Variants in ECT2 observed in about 807,000 individuals in gnomAD.
The protein encoded by ECT2 is protein ECT2.
Under a neutral mutation model 116.9 loss-of-function variants are expected in ECT2, and 61 were observed. The observed-to-expected ratio is 0.52, with a 90% CI of 0.42 to 0.65. The LOEUF is 0.65. Among genes scored for constraint, ECT2 ranks in the 30% least tolerant of loss-of-function variants. The pLI is 0.00. For missense variants in ECT2, 937 were observed against 1,078.7 expected, an observed-to-expected ratio of 0.87 and a Z score of 1.84; for synonymous variants, 358 against 346.4, an observed-to-expected ratio of 1.03 and a Z score of -0.37.
At chr3:172,821,551 T>C (rs1730684143), downstream of ECT2, 1 of 151,926 alleles carries the variant, frequency 6.6e-6, no homozygotes, top group African/African-American at 2.4e-5. Flanking sequence ...CATATGCTCT[T>C]TTGTGTACTT....
intron 18 of ECT2, among the ~76,000 whole-genome samples, chr3:172,798,907 G>A (rs1726219644): frequency 6.6e-6 from 1 of 152,230 alleles, no homozygotes; most frequent in Admixed American, 6.5e-5. Flanking sequence ...TGACTTCAAA[G>A]GTTCCTAGCC....
intron 18 of ECT2, among the ~76,000 whole-genome samples, chr3:172,795,276 A>G (rs564496613): frequency 5.3e-5 from 8 of 151,112 alleles, no homozygotes; most frequent in Non-Finnish European, 7.4e-5. Context: ...CAGTGAGCCA[A>G]GATTGCACCA....
intron 18 of ECT2, among the ~76,000 whole-genome samples, chr3:172,788,712 G>C (rs1305456538): frequency 6.6e-6 from 1 of 152,172 alleles, no homozygotes; most frequent in African/African-American, 2.4e-5. Context: ...GAATTGTGCA[G>C]TAGCATTATG....
rs1722826911 is a variant in ECT2 at position 172,782,228 on chromosome 3, A to G, written c.1614A>G (p.Lys538=). 2.6e-6 allele frequency: 4 copies of G among 1,533,166 alleles called. No homozygotes were observed. Among genetic ancestry groups the G allele is most frequent in the Non-Finnish European group, 3.6e-6 (4 of 1,121,114 alleles). The allele number at this position is 1,533,166 out of a possible 1,614,324, so 95.0% of individuals were successfully genotyped here. The change falls in exon 15 of 25, where the codon AAA becomes AAG. Residue 538 remains lysine, a synonymous_variant. Coordinates refer to ENST00000392692, the MANE Select transcript of ECT2 (RefSeq NM_001258315.2). ...AAAGCATTGGTGACATTTTTCTGAA[A>G]TATGTAAGTATTGTATTTCTTTTTT... ...ESKSIGDIFL[K]YSKDLVKTYP... is the part of the protein sequence containing the mutation.
At chr3:172,759,608 AT>A (rs1006088834) in intron 6 of ECT2, among the ~76,000 whole-genome samples, 1 of 150,736 alleles carries the variant, frequency 6.6e-6, no homozygotes, top group Non-Finnish European at 1.5e-5. Flanking sequence ...CGCCTGGCTA[AT>A]TTTTTTTTGT....
At chr3:172,819,836 C>G (rs1480812876) in intron 24 of ECT2, among the ~76,000 whole-genome samples, 1 of 152,110 alleles carries the variant, frequency 6.6e-6, no homozygotes, top group Non-Finnish European at 1.5e-5. Flanking sequence ...ACCTGAAACA[C>G]TGAATCATTA....
At chr3:172,762,314 A>C (rs916391075) in intron 8 of ECT2, 102 bp from the exon 9 acceptor site, 3 of 1,240,214 alleles carry the variant, frequency 2.4e-6, no homozygotes, top group Non-Finnish European at 2.2e-6. Context: ...CAATAGATAG[A>C]TTATGCCAAG....
intron 12 of ECT2, among the ~76,000 whole-genome samples, chr3:172,767,844 G>C (rs1719813806): frequency 6.6e-6 from 1 of 151,928 alleles, no homozygotes; most frequent in Non-Finnish European, 1.5e-5. Flanking sequence ...AGATTCTCCT[G>C]CCTCAGCCTC....
chr3:172,814,795 GT>G (rs1729404096), intron 22 of ECT2, among the ~76,000 whole-genome samples: 1 of 152,068 alleles, frequency 6.6e-6, no homozygotes, highest in Non-Finnish European at 1.5e-5. Context: ...TCATTCCTTT[GT>G]GGTGTGAACC....
chr3:172,799,407 A>G (rs1469992156), intron 18 of ECT2, among the ~76,000 whole-genome samples: 1 of 152,226 alleles, frequency 6.6e-6, no homozygotes, highest in Admixed American at 6.5e-5. Context: ...CTTTCCCAAG[A>G]CAATGAGGCA....
At chr3:172,826,733 C>T in the ECT2 span, among the ~76,000 whole-genome samples, 1 of 152,148 alleles carries the variant, frequency 6.6e-6, no homozygotes, top group Admixed American at 6.5e-5. Context: ...TCAGCAACCA[C>T]CAGCCTGATC....
At chr3:172,821,644 T>C (rs1323799218), downstream of ECT2, among the ~76,000 whole-genome samples, 1 of 151,942 alleles carries the variant, frequency 6.6e-6, no homozygotes, top group Non-Finnish European at 1.5e-5. Flanking sequence ...TAGGAATTTT[T>C]AATCTGGAAT....
At chr3:172,759,877 T>C (rs1717877164) in intron 6 of ECT2, among the ~76,000 whole-genome samples, 1 of 152,196 alleles carries the variant, frequency 6.6e-6, no homozygotes, top group Non-Finnish European at 1.5e-5. Flanking sequence ...CACAGTATGG[T>C]ATTAAAAAGC....
At chr3:172,781,038 A>T (rs1236198174) in intron 14 of ECT2, among the ~76,000 whole-genome samples, 1 of 152,120 alleles carries the variant, frequency 6.6e-6, no homozygotes. Flanking sequence ...CTAACTCAAG[A>T]TTTTGAAGAT....
intron 22 of ECT2, among the ~76,000 whole-genome samples, chr3:172,812,623 G>T (rs1435239645): frequency 1.3e-5 from 2 of 152,004 alleles, no homozygotes; most frequent in South Asian, 2.1e-4. Context: ...TGACATAATT[G>T]TACATGTTTT....
At chr3:172,799,290 T>C (rs1274130394) in intron 18 of ECT2, among the ~76,000 whole-genome samples, 1 of 152,158 alleles carries the variant, frequency 6.6e-6, no homozygotes, top group Non-Finnish European at 1.5e-5. Flanking sequence ...TTGTGCCTGA[T>C]GCATGGGCCA....
chr3:172,752,967 T>C (rs557981811), intron 1 of ECT2, among the ~76,000 whole-genome samples: 13 of 152,314 alleles, frequency 8.5e-5, no homozygotes, highest in Non-Finnish European at 1.9e-4. Flanking sequence ...TTTATTAATC[T>C]GAAGAAGTAG....
intron 18 of ECT2, among the ~76,000 whole-genome samples, chr3:172,794,741 G>C (rs1010113384): frequency 2.0e-5 from 3 of 152,092 alleles, no homozygotes; most frequent in African/African-American, 7.2e-5. Flanking sequence ...TTTTGAAACG[G>C]AGTCTCAGTG....
chr3:172,787,122 C>A (rs1723737344), intron 18 of ECT2, among the ~76,000 whole-genome samples: 1 of 152,144 alleles, frequency 6.6e-6, no homozygotes, highest in Admixed American at 6.5e-5. Flanking sequence ...GAGGACTGAT[C>A]AGAAATGATC....
Sources: gnomAD v4.1 joint callset for allele counts (sites outside exome capture counted in the v4.1 genomes callset) on GRCh38, gnomAD v4.1.1 for gene constraint, MANE v1.5 for transcripts, NCBI Gene and HGNC (gene_info 2026-07-23, HGNC 2026-07-21) for gene names.